LUZP2: variants seen among roughly 807,000 people sequenced by gnomAD.
LUZP2 encodes leucine zipper protein 2.
LUZP2 carries 52 observed loss-of-function variants against 51.6 expected under a neutral mutation model. The ratio of observed to expected loss-of-function variants is 1.01; its 90% CI spans 0.81 to 1.27. The LOEUF (loss-of-function observed/expected upper bound fraction) is 1.27, where lower values mean the gene tolerates loss of function less well. Among genes scored for constraint, LUZP2 ranks in the 50% most tolerant of loss-of-function variants. LUZP2 has a pLI of 0.00. For missense variants in LUZP2, 436 were observed against 395.4 expected (o/e 1.10, Z -0.87); for synonymous variants, 154 against 137.3 (o/e 1.12, Z -0.85).
intron 1 of LUZP2, among the ~76,000 whole-genome samples, chr11:24,552,905 AAT>A (rs1416170837): frequency 1.3e-5 from 2 of 151,470 alleles, no homozygotes; most frequent in African/African-American, 4.8e-5. Flanking sequence ...TTTGAAAATT[AAT>A]ACTTTATTTT....
At chr11:24,639,251 T>TA (rs1458110711) in intron 1 of LUZP2, among the ~76,000 whole-genome samples, 1 of 151,922 alleles carries the variant, frequency 6.6e-6, no homozygotes, top group African/African-American at 2.4e-5. Context: ...TCTTTCCTGT[T>TA]TTTACCTCTG....
At chr11:24,738,965 G>T (rs1352894642) in intron 4 of LUZP2, among the ~76,000 whole-genome samples, 5 of 151,986 alleles carry the variant, frequency 3.3e-5, no homozygotes, top group African/African-American at 1.2e-4. Flanking sequence ...ATAGGGATTG[G>T]ACCTTATATC....
chr11:24,912,202 C>T (rs1383161646), intron 6 of LUZP2, among the ~76,000 whole-genome samples: 1 of 150,830 alleles, frequency 6.6e-6, no homozygotes, highest in Non-Finnish European at 1.5e-5. Flanking sequence ...TTCCTCTTTA[C>T]CTCCCCCTTT....
chr11:25,000,533 G>A (rs540715281), intron 9 of LUZP2, among the ~76,000 whole-genome samples: 1 of 152,206 alleles, frequency 6.6e-6, no homozygotes, highest in Admixed American at 6.5e-5. Context: ...CAATTCTGGA[G>A]GAAACAAATT....
intron 5 of LUZP2, among the ~76,000 whole-genome samples, chr11:24,815,055 G>A (rs188512371): frequency 9.8e-4 from 149 of 151,674 alleles, no homozygotes; most frequent in African/African-American, 3.5e-3. Flanking sequence ...TTATTATTAA[G>A]TAGAATGTCC....
intron 3 of LUZP2, among the ~76,000 whole-genome samples, chr11:24,737,158 G>A (rs1450881817): frequency 6.6e-6 from 1 of 152,014 alleles, no homozygotes; most frequent in Non-Finnish European, 1.5e-5. Flanking sequence ...ATTTGTTAAG[G>A]AATTCTTTCA....
intron 1 of LUZP2, among the ~76,000 whole-genome samples, chr11:24,664,933 T>C (rs140938829): frequency 1.2e-4 from 19 of 152,242 alleles, no homozygotes; most frequent in African/African-American, 4.3e-4. Flanking sequence ...AGAGTCCCCA[T>C]GGGGTCACTG....
At chr11:24,963,208 CA>C (rs1314083178) in intron 7 of LUZP2, among the ~76,000 whole-genome samples, 3 of 152,218 alleles carry the variant, frequency 2.0e-5, no homozygotes, top group African/African-American at 7.2e-5. Flanking sequence ...GCTCAGGGGT[CA>C]GGGGTCACGG....
chr11:24,605,541 T>A (rs1007739516), intron 1 of LUZP2, among the ~76,000 whole-genome samples: 1 of 151,756 alleles, frequency 6.6e-6, no homozygotes, highest in African/African-American at 2.4e-5. Context: ...TCTTAAGAAT[T>A]ATGGCATAAA....
intron 7 of LUZP2, among the ~76,000 whole-genome samples, chr11:24,919,552 A>T (rs936855014): frequency 7.0e-6 from 1 of 142,868 alleles, no homozygotes; most frequent in Non-Finnish European, 1.5e-5. Context: ...TGTATTCTTT[A>T]TATATATTCA....
chr11:24,738,154 T>A, intron 3 of LUZP2, 67 bp from the exon 4 acceptor site: 1 of 1,135,616 alleles, frequency 8.8e-7, no homozygotes, highest in Non-Finnish European at 1.3e-6. Flanking sequence ...CTTCCTTTTA[T>A]AATGTTCATA....
intron 5 of LUZP2, among the ~76,000 whole-genome samples, chr11:24,885,989 T>C (rs1210132140): frequency 6.6e-6 from 1 of 152,164 alleles, no homozygotes; most frequent in Non-Finnish European, 1.5e-5. Flanking sequence ...TGGCAAGGTC[T>C]ACACTCAACT....
intron 10 of LUZP2, among the ~76,000 whole-genome samples, chr11:25,064,769 C>T (rs748186318): frequency 6.6e-6 from 1 of 151,956 alleles, no homozygotes; most frequent in Non-Finnish European, 1.5e-5. Context: ...TCTCTCTTAT[C>T]CTAGGCACGT....
At chr11:24,803,996 G>GAA (rs75845899) in intron 5 of LUZP2, among the ~76,000 whole-genome samples, 15,310 of 105,796 alleles carry the variant, frequency 0.14, 1,239 homozygotes, top group East Asian at 0.41. Flanking sequence ...TGCCATAAAG[G>GAA]AAAAAAAAAA....
At chr11:24,527,084 A>T (rs1237885372) in intron 1 of LUZP2, among the ~76,000 whole-genome samples, 1 of 151,340 alleles carries the variant, frequency 6.6e-6, no homozygotes, top group Non-Finnish European at 1.5e-5. Flanking sequence ...CTCCATTTTA[A>T]CTCATAAACA....
At chr11:24,857,983 T>G (rs773645126) in intron 5 of LUZP2, among the ~76,000 whole-genome samples, 1 of 152,152 alleles carries the variant, frequency 6.6e-6, no homozygotes. Flanking sequence ...ATATGCACAT[T>G]CTTTTGTGCA....
At chr11:24,549,055 C>T (rs1017349835) in intron 1 of LUZP2, among the ~76,000 whole-genome samples, 4 of 151,846 alleles carry the variant, frequency 2.6e-5, no homozygotes, top group African/African-American at 7.2e-5. Flanking sequence ...CTTACTGTAA[C>T]TTTTTTTACT....
chr11:24,498,313 A>G (rs748837059), intron 1 of LUZP2, among the ~76,000 whole-genome samples: 7 of 152,226 alleles, frequency 4.6e-5, no homozygotes, highest in Admixed American at 6.5e-5. Context: ...CAAATAAAGT[A>G]GGGATATAGG....
chr11:24,514,320 A>T lies in LUZP2; in HGVS notation c.62+17015A>T, dbSNP rs1201328975. On this transcript the variant is annotated intron_variant, in intron 1 of 11. Transcript: ENST00000336930. ...ATGATCAGTCTTTGGTTCCTCATCC[A>T]TGGTGAAACTGAGAGCATTCTAGCA... Among the ~76,000 whole-genome samples, 2 of 152,258 alleles carry T rather than the reference A, an allele frequency of 1.3e-5. 1 individual carries two copies. The highest frequency in any genetic ancestry group is 3.8e-4 in the East Asian group (2 of 5,196).
Sources: allele counts gnomAD v4.1 joint callset (sites outside exome capture counted in the v4.1 genomes callset), GRCh38; gene constraint gnomAD v4.1.1; transcripts MANE v1.5; gene names NCBI Gene and HGNC (gene_info 2026-07-23, HGNC 2026-07-21).